The following DLG2 variants were observed in gnomAD, a reference collection of about 807,000 sequenced individuals.
DLG2 encodes the protein disks large homolog 2.
In DLG2, 45 loss-of-function variants were observed where a neutral mutation model predicts 132.5. The observed-to-expected ratio is 0.34, with a 90% CI of 0.27 to 0.44. The LOEUF (loss-of-function observed/expected upper bound fraction) is 0.44. DLG2 is among the 20% of genes least tolerant of loss of function. The probability of loss-of-function intolerance (pLI) is 1.00; values close to 1 mark genes in which losing one functional copy is unlikely to be tolerated. For missense variants in DLG2, 1,045 were observed against 1,196.9 expected (o/e 0.87, Z 1.87); for synonymous variants, 424 against 419.6 (o/e 1.01, Z -0.13).
chr11:85,146,093 C>T (rs772559227), intron 5 of DLG2, among the ~76,000 whole-genome samples: 11 of 152,260 alleles, frequency 7.2e-5, no homozygotes, highest in Non-Finnish European at 1.5e-4. Context: ...TTCTTGCAGA[C>T]TCCTAGAGGT....
intron 4 of DLG2, among the ~76,000 whole-genome samples, chr11:85,170,088 C>A (rs2078733206): frequency 6.6e-6 from 1 of 152,110 alleles, no homozygotes; most frequent in Non-Finnish European, 1.5e-5. Context: ...TATTACATGG[C>A]AGCGAGCCAT....
intron 8 of DLG2, among the ~76,000 whole-genome samples, chr11:84,227,731 T>A (rs1254237549): frequency 6.6e-6 from 1 of 151,998 alleles, no homozygotes; most frequent in Non-Finnish European, 1.5e-5. Context: ...CTGGCCGACA[T>A]AATGAAACCT....
chr11:85,187,847 TA>T (rs776352012), intron 4 of DLG2, among the ~76,000 whole-genome samples: 3 of 152,092 alleles, frequency 2.0e-5, no homozygotes, highest in Non-Finnish European at 4.4e-5. Flanking sequence ...GCAAAAGGAA[TA>T]AACAGTGGCT....
At chr11:83,924,392 C>G (rs1462459476) in intron 15 of DLG2, among the ~76,000 whole-genome samples, 1 of 152,058 alleles carries the variant, frequency 6.6e-6, no homozygotes, top group Non-Finnish European at 1.5e-5. Flanking sequence ...TTAAGGGATC[C>G]TATAACTTCA....
At chr11:85,418,990 G>A (rs553612264) in intron 3 of DLG2, among the ~76,000 whole-genome samples, 1 of 147,932 alleles carries the variant, frequency 6.8e-6, no homozygotes, top group African/African-American at 2.4e-5. Flanking sequence ...CTAGCTGTCA[G>A]TAAGTTGATG....
chr11:84,295,293 T>C (rs897346004), intron 7 of DLG2, among the ~76,000 whole-genome samples: 2 of 152,206 alleles, frequency 1.3e-5, no homozygotes, highest in East Asian at 1.9e-4. Context: ...GTTAAAATAA[T>C]ATTAATAGTA....
chr11:83,970,882 G>C (rs1054380398), intron 12 of DLG2, among the ~76,000 whole-genome samples: 1 of 152,138 alleles, frequency 6.6e-6, no homozygotes, highest in Non-Finnish European at 1.5e-5. Flanking sequence ...TGAAGCTTCT[G>C]TGTGGTCTTT....
At chr11:85,567,998 T>G (rs2077623731) in intron 3 of DLG2, among the ~76,000 whole-genome samples, 1 of 151,856 alleles carries the variant, frequency 6.6e-6, no homozygotes, top group African/African-American at 2.4e-5. Context: ...TGTAAATTTT[T>G]TTAATGTGCT....
At chr11:84,526,291 T>A (rs2154518930) in intron 7 of DLG2, among the ~76,000 whole-genome samples, 1 of 152,320 alleles carries the variant, frequency 6.6e-6, no homozygotes, top group East Asian at 1.9e-4. Context: ...ATTTTAATAA[T>A]GCTGACAAAA....
chr11:85,372,843 C>A (rs1338379305), intron 3 of DLG2, among the ~76,000 whole-genome samples: 1 of 152,144 alleles, frequency 6.6e-6, no homozygotes, highest in Admixed American at 6.5e-5. Flanking sequence ...CCCTGAAGTA[C>A]CCCTGGTATC....
chr11:85,477,023 A>G (rs184415236), intron 3 of DLG2, among the ~76,000 whole-genome samples: 24 of 152,288 alleles, frequency 1.6e-4, no homozygotes, highest in Admixed American at 4.6e-4. Context: ...CATCAATACA[A>G]TGACAAGAGT....
intron 17 of DLG2, among the ~76,000 whole-genome samples, chr11:83,801,171 T>C (rs2044279553): frequency 1.3e-5 from 2 of 152,100 alleles, no homozygotes; most frequent in African/African-American, 4.8e-5. Flanking sequence ...AATCCCTTAG[T>C]TCATAGCCAT....
Position 85,006,220 on chromosome 11 carries a change from A to C in DLG2, c.357+105441T>G, listed in dbSNP as rs2058650434. Among the ~76,000 whole-genome samples, 4 of 152,282 alleles carry C rather than the reference A, an allele frequency of 2.6e-5. No homozygotes were observed. The Middle Eastern group carries it at 0.01, about 388-fold the overall frequency. On this transcript the variant is annotated intron_variant, in intron 6 of 27. Transcript: ENST00000376104. Reference sequence around the variant, plus strand: ...TGTTGTGTCTCTGCCAGGTTTTGCTATCAGGATGATGCTGTCCTCATAAAA... The same window carrying C: ...TGTTGTGTCTCTGCCAGGTTTTGCTCTCAGGATGATGCTGTCCTCATAAAA...
chr11:84,493,963 CATAG>C (rs1184880285), intron 7 of DLG2, among the ~76,000 whole-genome samples: 1 of 152,084 alleles, frequency 6.6e-6, no homozygotes, highest in Admixed American at 6.5e-5. Flanking sequence ...CATAGTGTAA[CATAG>C]ATAGATCCAT....
intron 10 of DLG2, among the ~76,000 whole-genome samples, chr11:84,096,758 T>A (rs367773461): frequency 6.6e-6 from 1 of 152,162 alleles, no homozygotes; most frequent in Non-Finnish European, 1.5e-5. Flanking sequence ...TTACACAGCA[T>A]CTTTTTCAAA....
intron 18 of DLG2, among the ~76,000 whole-genome samples, chr11:83,720,031 G>A (rs144345712): frequency 1.5e-3 from 232 of 151,916 alleles, no homozygotes; most frequent in African/African-American, 5.3e-3. Flanking sequence ...AGTGGCTCAC[G>A]CCTGTAATCC....
At chr11:85,484,354 A>G (rs976918823) in intron 3 of DLG2, among the ~76,000 whole-genome samples, 2 of 150,220 alleles carry the variant, frequency 1.3e-5, no homozygotes, top group African/African-American at 4.9e-5. Flanking sequence ...GACAAATGGG[A>G]TCTAATTAAA....
At position 84,251,238 on chromosome 11, in the gene DLG2, A is replaced by G. The variant is rs200674714; in HGVS notation, c.573T>C (p.Tyr191=). The G allele has an allele frequency of 9.3e-5, 147 of 1,578,264 alleles. No individual in the cohort carries two copies. The highest frequency in any genetic ancestry group is 1.2e-4 in the Non-Finnish European group (140 of 1,164,672). The change falls in exon 8 of 28, where the codon TAT becomes TAC. Residue 191 remains tyrosine, a splice_region_variant and synonymous_variant. Transcript: ENST00000376104. ...VNTDTLDTIP[Y]VNGTEIEYEF... ...AGGTAGTAATGAAAAAGTTACTTAC[A>G]TAAGGAATTGTGTCCAAAGTATCTG...
intron 7 of DLG2, among the ~76,000 whole-genome samples, chr11:84,433,577 T>G (rs1221416393): frequency 6.6e-6 from 1 of 152,238 alleles, no homozygotes; most frequent in East Asian, 1.9e-4. Flanking sequence ...TTCAGAGAAT[T>G]TGTTGGTACA....
Sources: allele counts gnomAD v4.1 joint callset (sites outside exome capture counted in the v4.1 genomes callset), GRCh38; gene constraint gnomAD v4.1.1; transcripts MANE v1.5; gene names NCBI Gene and HGNC (gene_info 2026-07-23, HGNC 2026-07-21).